Variants in NAPEPLD observed in about 807,000 individuals in gnomAD.
NAPEPLD encodes N-acyl phosphatidylethanolamine phospholipase D.
In NAPEPLD, 23 loss-of-function variants were observed where a neutral mutation model predicts 38.1. The observed-to-expected ratio is 0.60, with a 90% CI of 0.43 to 0.86. The LOEUF (loss-of-function observed/expected upper bound fraction) is 0.86. Among genes scored for constraint, NAPEPLD ranks in the 40% least tolerant of loss-of-function variants. NAPEPLD has a pLI of 0.00. For synonymous variants in NAPEPLD, 147 were observed against 162.0 expected (o/e 0.91, Z 0.71); for missense variants, 411 against 476.8 (o/e 0.86, Z 1.28).
chr7:103,141,528 G>T, intron 1 of NAPEPLD: 1 of 1,424,042 alleles, frequency 7.0e-7, no homozygotes, highest in Non-Finnish European at 9.9e-7. Flanking sequence ...TGTTCCATGA[G>T]AATCTGCTTG....
intron 4 of NAPEPLD, among the ~76,000 whole-genome samples, chr7:103,105,970 A>G (rs1563343676): frequency 6.7e-6 from 1 of 150,234 alleles, no homozygotes; most frequent in African/African-American, 2.4e-5. Context: ...CTGAAGAGGA[A>G]CAGCTCTGGT....
At position 103,120,701 on chromosome 7, in the gene NAPEPLD, CTTTTTTTTT is replaced by C. The variant is rs869141133; in HGVS notation, c.295-487_295-479del. ...CATGAATCATGAATCTGATATTTTT[CTTTTTTTTT>C]TTTTTTTTTTTTTTTTTGTCTGAGA... On this transcript the variant is annotated intron_variant, in intron 2 of 4. Coordinates refer to ENST00000465647, the MANE Select transcript of NAPEPLD (RefSeq NM_001122838.3). Among the ~76,000 whole-genome samples the C allele has an allele frequency of 4.5e-4, 37 of 82,530 alleles. No individual in the cohort carries two copies. In the South Asian group the frequency reaches 0.016, roughly 35 times the overall value. 54.1% of individuals were successfully genotyped at this position (82,530 alleles called of 152,430 possible).
intron 4 of NAPEPLD, among the ~76,000 whole-genome samples, chr7:103,108,572 A>T (rs1279317650): frequency 1.3e-5 from 2 of 152,222 alleles, no homozygotes; most frequent in Non-Finnish European, 2.9e-5. Context: ...GGCCTGCCTT[A>T]CAAGAGCTCC....
intron 1 of NAPEPLD, among the ~76,000 whole-genome samples, chr7:103,140,243 A>G (rs1810938332): frequency 6.6e-6 from 1 of 152,200 alleles, no homozygotes; most frequent in Admixed American, 6.5e-5. Flanking sequence ...TAGGATATAC[A>G]TGTATACCAT....
At chr7:103,108,118 G>A (rs1803754608) in intron 4 of NAPEPLD, among the ~76,000 whole-genome samples, 1 of 146,044 alleles carries the variant, frequency 6.8e-6, no homozygotes, top group Non-Finnish European at 1.5e-5. Flanking sequence ...GAGAGTAGGG[G>A]CCAATATTCA....
chr7:103,140,450 T>G (rs1390884216), intron 1 of NAPEPLD, among the ~76,000 whole-genome samples: 6 of 137,386 alleles, frequency 4.4e-5, no homozygotes, highest in African/African-American at 1.4e-4. Flanking sequence ...TGGAGTGCAG[T>G]GGCGTGATCT....
Position 103,146,591 on chromosome 7 carries a change from GT to G in NAPEPLD, c.-17+2219del, listed in dbSNP as rs534960348. 3.8e-3 allele frequency among the ~76,000 whole-genome samples: 577 copies of G among 152,294 alleles called. 5 individuals are homozygous for G. The highest frequency in any genetic ancestry group is 0.014 in the African/African-American group (569 of 41,572). On this transcript the variant is annotated intron_variant, in intron 1 of 4. Transcript: ENST00000465647. Reference sequence around the variant, plus strand: ...CCAGGTAGCAGGCACAAACTGAGTTGTTTTTCAATCAAGATTTTGAATTATG... The same window carrying G: ...CCAGGTAGCAGGCACAAACTGAGTTGTTTTCAATCAAGATTTTGAATTATG...
chr7:103,107,699 G>A (rs1368830024), intron 4 of NAPEPLD, among the ~76,000 whole-genome samples: 1 of 151,836 alleles, frequency 6.6e-6, no homozygotes, highest in Non-Finnish European at 1.5e-5. Flanking sequence ...CAAGATTAGA[G>A]AAAAAAGAGT....
intron 4 of NAPEPLD, among the ~76,000 whole-genome samples, chr7:103,106,610 C>T (rs1420325383): frequency 1.3e-5 from 2 of 152,072 alleles, no homozygotes; most frequent in Admixed American, 1.3e-4. Flanking sequence ...CAGTTTTCCC[C>T]TCACAGTGTA....
chr7:103,114,575 C>A (rs919545111), intron 4 of NAPEPLD, among the ~76,000 whole-genome samples: 13 of 152,192 alleles, frequency 8.5e-5, no homozygotes, highest in Non-Finnish European at 2.9e-5. Flanking sequence ...CCTCTCAGAG[C>A]CAAGTTCAAA....
upstream of NAPEPLD, chr7:103,149,605 C>A: frequency 1.4e-6 from 1 of 733,854 alleles, no homozygotes. Flanking sequence ...CCCTGTGGGC[C>A]GGGGCGCCGA....
chr7:103,120,334 C>G, intron 2 of NAPEPLD, 111 bp from the exon 3 acceptor site: 2 of 1,136,536 alleles, frequency 1.8e-6, no homozygotes, highest in Non-Finnish European at 2.4e-6. Flanking sequence ...TTTAAGAGAA[C>G]TAAAGTCATT....
rs975888341 is a variant in NAPEPLD, at chr7:103,101,692, G to A, written c.*1737C>T. The A allele has an allele frequency of 6.6e-6, 1 of 152,576 alleles. No individual in the cohort carries two copies. The highest frequency in any genetic ancestry group is 6.5e-5 in the Admixed American group (1 of 15,270). The allele number at this position is 152,576 out of a possible 1,614,324, so 9.5% of individuals were successfully genotyped here. ...TTGCAAATGAGGAAACAGGCACAGTGAGCACTGGTGACTTGTTTCAGGTTA... is the reference window on the plus strand; with the variant it reads ...TTGCAAATGAGGAAACAGGCACAGTAAGCACTGGTGACTTGTTTCAGGTTA... On this transcript the variant is annotated 3_prime_UTR_variant, in exon 5 of 5. Coordinates refer to ENST00000465647, the MANE Select transcript of NAPEPLD (RefSeq NM_001122838.3).
At position 103,103,362 on chromosome 7, in the gene NAPEPLD, A is replaced by C; in HGVS notation, c.*67T>G. 1.4e-6 allele frequency: 2 copies of C among 1,452,514 alleles called. No individual in the cohort carries two copies. The highest frequency in any genetic ancestry group is 1.4e-5 in the African/African-American group (1 of 69,408). 90.0% of individuals were successfully genotyped at this position (1,452,514 alleles called of 1,614,324 possible). On this transcript the variant is annotated 3_prime_UTR_variant, in exon 5 of 5. Transcript: ENST00000465647. ...TAATCACAATATTCATGAATTTCTAAGTCTTTTCATTTGTTTTTAAACTTA... is the reference window on the plus strand; with the variant it reads ...TAATCACAATATTCATGAATTTCTACGTCTTTTCATTTGTTTTTAAACTTA...
rs753686055 is a variant in NAPEPLD, at chr7:103,119,813, C to A, written c.705G>T (p.Glu235Asp). The stretch of plus-strand genomic sequence containing the variant: ...CCTTATCATGTCCGGGGACACAATT[C>A]TCCTCCCACCAGTCCAACTCAATCA... ...ENVIELDWWE[E>D]NCVPGHDKVT... The change falls in exon 3 of 5, where the codon GAG becomes GAT. Residue 235 changes from glutamate (E) to aspartate (D), a missense_variant. Transcript: ENST00000465647. The A allele has an allele frequency of 6.2e-7, 1 of 1,614,160 alleles. No individual in the cohort carries two copies. Among genetic ancestry groups the A allele is most frequent in the South Asian group, 1.1e-5 (1 of 91,080 alleles).
Position 103,102,588 on chromosome 7 carries a change from C to A in NAPEPLD, c.*841G>T, listed in dbSNP as rs1802561970. The A allele has an allele frequency of 6.6e-6, 1 of 152,066 alleles. No homozygotes were observed. The highest frequency in any genetic ancestry group is 1.5e-5 in the Non-Finnish European group (1 of 68,006). The allele number at this position is 152,066 out of a possible 1,614,324, so 9.4% of individuals were successfully genotyped here. ...GTCAAACTCCTGGGTTCAAGTGACC[C>A]ACCCACCTTGGCCTCCCAAAGTAAG... On this transcript the variant is annotated 3_prime_UTR_variant, in exon 5 of 5. Coordinates refer to ENST00000465647, the MANE Select transcript of NAPEPLD (RefSeq NM_001122838.3).
chr7:103,145,889 A>G (rs868566807), intron 1 of NAPEPLD, among the ~76,000 whole-genome samples: 2 of 24,470 alleles, frequency 8.2e-5, no homozygotes, highest in African/African-American at 1.5e-4. Context: ...TTCAAGTTTA[A>G]AAAAAAAAAA....
At chr7:103,129,258 T>C (rs13247932) in intron 1 of NAPEPLD, 932,969 of 956,746 alleles carry the variant, frequency 0.98, 458,751 homozygotes, top group East Asian at 1. Flanking sequence ...AAAACAAACA[T>C]GAAAGAAAGA....
chr7:103,108,620 T>C (rs538404070), intron 4 of NAPEPLD, among the ~76,000 whole-genome samples: 3 of 152,276 alleles, frequency 2.0e-5, no homozygotes, highest in African/African-American at 7.2e-5. Context: ...ACAACCAGTA[T>C]AAGCCACTGC....
Sources: allele counts gnomAD v4.1 joint callset (sites outside exome capture counted in the v4.1 genomes callset), GRCh38; gene constraint gnomAD v4.1.1; transcripts MANE v1.5; gene names NCBI Gene and HGNC (gene_info 2026-07-23, HGNC 2026-07-21).